ENTREP2: variants seen among roughly 807,000 people sequenced by gnomAD.
ENTREP2 encodes the protein protein ENTREP2.
At chr15:29,338,114 G>A in the ENTREP2 span, among the ~76,000 whole-genome samples, 1 of 152,074 alleles carries the variant, frequency 6.6e-6, no homozygotes, top group Non-Finnish European at 1.5e-5. Context: ...ACAGGAGACT[G>A]CAGAGCTATG....
At chr15:29,159,300 G>T in the ENTREP2 span, among the ~76,000 whole-genome samples, 1 of 152,154 alleles carries the variant, frequency 6.6e-6, no homozygotes, top group East Asian at 1.9e-4. Flanking sequence ...TAGGTTCGTG[G>T]TCTCGCTGGC....
At chr15:29,407,154 T>C in the ENTREP2 span, among the ~76,000 whole-genome samples, 1 of 152,134 alleles carries the variant, frequency 6.6e-6, no homozygotes, top group South Asian at 2.1e-4. Context: ...GCCCACTACA[T>C]ACCTAGGCTG....
the ENTREP2 span, chr15:29,570,524 G>A: frequency 3.5e-6 from 5 of 1,445,368 alleles, no homozygotes; most frequent in Admixed American, 2.4e-5. Context: ...TGCCCAGAAG[G>A]GGCAGGAGTG....
chr15:29,446,968 C>T, the ENTREP2 span, among the ~76,000 whole-genome samples: 4 of 152,304 alleles, frequency 2.6e-5, no homozygotes, highest in East Asian at 1.9e-4. Flanking sequence ...GGATTACATC[C>T]CTTTTCGAGG....
chr15:29,528,226 G>A, the ENTREP2 span, among the ~76,000 whole-genome samples: 6 of 151,828 alleles, frequency 4.0e-5, no homozygotes, highest in South Asian at 2.1e-4. Context: ...TGGGTGGTCC[G>A]TAGTATCATG....
At chr15:29,348,051 C>T in the ENTREP2 span, among the ~76,000 whole-genome samples, 15 of 152,106 alleles carry the variant, frequency 9.9e-5, no homozygotes, top group African/African-American at 1.4e-4. Context: ...AAGGGGTGGG[C>T]GAGCTTACCA....
the ENTREP2 span, among the ~76,000 whole-genome samples, chr15:29,138,348 C>T: frequency 6.6e-6 from 1 of 152,226 alleles, no homozygotes; most frequent in East Asian, 1.9e-4. Flanking sequence ...ACCTTCACAT[C>T]TCTGCTGCCC....
At chr15:29,460,953 T>A in the ENTREP2 span, among the ~76,000 whole-genome samples, 2 of 152,220 alleles carry the variant, frequency 1.3e-5, no homozygotes, top group Non-Finnish European at 2.9e-5. Context: ...GACCTGTTTT[T>A]AGTCTTCATG....
chr15:29,159,965 G>A, the ENTREP2 span, among the ~76,000 whole-genome samples: 726 of 152,396 alleles, frequency 4.8e-3, 30 homozygotes, highest in Admixed American at 0.042. Flanking sequence ...GGGTGCCATG[G>A]AGCAGGAGGC....
the ENTREP2 span, among the ~76,000 whole-genome samples, chr15:29,206,681 GT>G: frequency 6.6e-6 from 1 of 152,042 alleles, no homozygotes. Context: ...GGTATGGTAT[GT>G]TTTTTTGAGG....
At chr15:29,203,941 A>G in the ENTREP2 span, among the ~76,000 whole-genome samples, 3 of 152,206 alleles carry the variant, frequency 2.0e-5, no homozygotes, top group African/African-American at 7.2e-5. Flanking sequence ...GGGGAAAGGG[A>G]GGGGAGATCA....
chr15:29,204,728 G>A, the ENTREP2 span, among the ~76,000 whole-genome samples: 1 of 152,086 alleles, frequency 6.6e-6, no homozygotes, highest in Non-Finnish European at 1.5e-5. Flanking sequence ...TTACATTAAA[G>A]AAAAAATTTG....
the ENTREP2 span, among the ~76,000 whole-genome samples, chr15:29,336,710 T>A: frequency 1.3e-5 from 2 of 152,144 alleles, no homozygotes; most frequent in African/African-American, 4.8e-5. Context: ...ACGTATGCCA[T>A]CTCCTTTAAG....
the ENTREP2 span, among the ~76,000 whole-genome samples, chr15:29,487,309 C>G: frequency 6.6e-6 from 1 of 152,166 alleles, no homozygotes; most frequent in African/African-American, 2.4e-5. Flanking sequence ...TCTTTCACCT[C>G]TGGATGAGCT....
At chr15:29,355,115 G>C in the ENTREP2 span, among the ~76,000 whole-genome samples, 1 of 152,126 alleles carries the variant, frequency 6.6e-6, no homozygotes, top group South Asian at 2.1e-4. Context: ...TGAATCCTAC[G>C]AATTCAGGTC....
chr15:29,283,667 A>T, the ENTREP2 span, among the ~76,000 whole-genome samples: 2 of 152,354 alleles, frequency 1.3e-5, no homozygotes, highest in Non-Finnish European at 2.9e-5. Flanking sequence ...GTTTGAAGGA[A>T]GGAGACAGCC....
At chr15:29,368,273 A>C in the ENTREP2 span, among the ~76,000 whole-genome samples, 5 of 151,882 alleles carry the variant, frequency 3.3e-5, no homozygotes, top group African/African-American at 1.2e-4. Flanking sequence ...GGCTGCAGTG[A>C]GCTGAGATCA....
chr15:29,573,147 T>G, the ENTREP2 span, among the ~76,000 whole-genome samples: 1 of 152,264 alleles, frequency 6.6e-6, no homozygotes, highest in Non-Finnish European at 1.5e-5. Flanking sequence ...TGATTTGTTT[T>G]ATTTATTTAT....
chr15:29,157,841 T>G, the ENTREP2 span, among the ~76,000 whole-genome samples: 71 of 152,114 alleles, frequency 4.7e-4, no homozygotes, highest in East Asian at 0.011. Flanking sequence ...GTGATTCTCC[T>G]GCCTCAGCCT....
Sources: gnomAD v4.1 joint callset for allele counts (sites outside exome capture counted in the v4.1 genomes callset) on GRCh38, gnomAD v4.1.1 for gene constraint, MANE v1.5 for transcripts, NCBI Gene and HGNC (gene_info 2026-07-23, HGNC 2026-07-21) for gene names.